Variants in SLC23A2 observed in about 807,000 individuals in gnomAD.
SLC23A2 encodes the protein solute carrier family 23 member 2, also known as Na(+)/L-ascorbic acid transporter 2.
SLC23A2 carries 36 observed loss-of-function variants against 73.3 expected under a neutral mutation model. That is an observed-to-expected ratio of 0.49 (90% CI 0.38 to 0.65). The LOEUF is 0.65. Among genes scored for constraint, SLC23A2 ranks in the 30% least tolerant of loss-of-function variants. The probability of loss-of-function intolerance (pLI) is 0.00; values close to 1 mark genes in which losing one functional copy is unlikely to be tolerated. For missense variants in SLC23A2, 507 were observed against 841.6 expected (o/e 0.60, Z 4.92); for synonymous variants, 343 against 327.3 (o/e 1.05, Z -0.52).
intron 2 of SLC23A2, among the ~76,000 whole-genome samples, chr20:4,970,282 TA>T (rs1284084128): frequency 1.3e-5 from 2 of 152,204 alleles, no homozygotes; most frequent in Non-Finnish European, 2.9e-5. Context: ...GAATTTGGCC[TA>T]AAGAAGTCTA....
chr20:4,901,402 C>T (rs906010152), intron 5 of SLC23A2, among the ~76,000 whole-genome samples: 1 of 152,196 alleles, frequency 6.6e-6, no homozygotes, highest in Non-Finnish European at 1.5e-5. Flanking sequence ...GGGAAAAATG[C>T]TAAGTCCGAC....
intron 1 of SLC23A2, among the ~76,000 whole-genome samples, chr20:5,006,834 C>T (rs2088197124): frequency 6.6e-6 from 1 of 152,102 alleles, no homozygotes; most frequent in African/African-American, 2.4e-5. Context: ...AGCCACCACT[C>T]CTGGCCTGCA....
intron 2 of SLC23A2, among the ~76,000 whole-genome samples, chr20:4,951,036 G>A (rs75271674): frequency 1.4e-4 from 22 of 152,180 alleles, no homozygotes; most frequent in African/African-American, 5.3e-4. Flanking sequence ...CAGAACACAG[G>A]TCCGCACATG....
At chr20:4,972,353 T>C (rs1337347037) in intron 1 of SLC23A2, among the ~76,000 whole-genome samples, 2 of 145,094 alleles carry the variant, frequency 1.4e-5, no homozygotes, top group African/African-American at 5.1e-5. Context: ...TAATGAGTCT[T>C]TTTTTTTTTT....
intron 1 of SLC23A2, among the ~76,000 whole-genome samples, chr20:5,009,433 G>A (rs930882343): frequency 7.9e-5 from 12 of 152,166 alleles, no homozygotes; most frequent in African/African-American, 2.9e-4. Context: ...GCTGGTGCAA[G>A]TATACTCCCT....
intron 3 of SLC23A2, among the ~76,000 whole-genome samples, chr20:4,930,802 G>C (rs1932780633): frequency 6.6e-6 from 1 of 151,754 alleles, no homozygotes; most frequent in Non-Finnish European, 1.5e-5. Flanking sequence ...ATGGGTGACA[G>C]AGCAAGACGG....
At chr20:4,885,632 G>C (rs967102524) in intron 7 of SLC23A2, among the ~76,000 whole-genome samples, 189 bp downstream of exon 7, 8 of 152,204 alleles carry the variant, frequency 5.3e-5, no homozygotes, top group Admixed American at 4.6e-4. Flanking sequence ...GGTTAGGGAT[G>C]AACAAGTGGA....
intron 4 of SLC23A2, among the ~76,000 whole-genome samples, chr20:4,909,837 A>T (rs1328291934): frequency 1.3e-5 from 2 of 152,184 alleles, no homozygotes; most frequent in Non-Finnish European, 2.9e-5. Context: ...CATTACATGC[A>T]TGAGCCACCC....
chr20:4,957,444 G>A (rs1445363359), intron 2 of SLC23A2, among the ~76,000 whole-genome samples: 1 of 151,840 alleles, frequency 6.6e-6, no homozygotes, highest in Non-Finnish European at 1.5e-5. Context: ...CTGGATGACA[G>A]AGCGACACTA....
At chr20:4,960,663 T>C (rs960213052) in intron 2 of SLC23A2, among the ~76,000 whole-genome samples, 1 of 152,228 alleles carries the variant, frequency 6.6e-6, no homozygotes, top group African/African-American at 2.4e-5. Flanking sequence ...TTATTATATG[T>C]TGGTTTGTGA....
chr20:4,894,511 T>C (rs1408908298), intron 6 of SLC23A2, among the ~76,000 whole-genome samples: 1 of 152,206 alleles, frequency 6.6e-6, no homozygotes, highest in Non-Finnish European at 1.5e-5. Flanking sequence ...CAGTCAGCCT[T>C]GGGAAATGTA....
rs1234672320 is a variant in SLC23A2 at position 4,855,327 on chromosome 20, A to C, written c.*1645T>G. ...ACCGTGTGGACACCAGGCTGCCAAG[A>C]ACCATGCCCTGCCGCTGGAGACAGG... On this transcript the variant is annotated 3_prime_UTR_variant, in exon 17 of 17. Transcript: ENST00000338244. 6.6e-6 allele frequency: 1 copy of C among 152,288 alleles called. No homozygotes were observed. The highest frequency in any genetic ancestry group is 2.4e-5 in the African/African-American group (1 of 41,440). 9.4% of individuals were successfully genotyped at this position (152,288 alleles called of 1,614,324 possible).
chr20:4,971,457 G>C (rs2087559395), intron 1 of SLC23A2, among the ~76,000 whole-genome samples: 1 of 151,302 alleles, frequency 6.6e-6, no homozygotes, highest in African/African-American at 2.4e-5. Context: ...CTCCAGCTTG[G>C]ATGACAGAGT....
chr20:4,992,617 TCTC>T (rs1423849251), intron 1 of SLC23A2, among the ~76,000 whole-genome samples: 1 of 151,102 alleles, frequency 6.6e-6, no homozygotes, highest in Non-Finnish European at 1.5e-5. Context: ...TTCGAGTGAT[TCTC>T]CTCCCTCAGC....
At chr20:4,989,075 C>T (rs2087880788) in intron 1 of SLC23A2, among the ~76,000 whole-genome samples, 2 of 151,068 alleles carry the variant, frequency 1.3e-5, no homozygotes, top group African/African-American at 4.9e-5. Flanking sequence ...CCCATCTCTA[C>T]TAAAAATACA....
chr20:4,892,574 A>C (rs186365643), intron 6 of SLC23A2, among the ~76,000 whole-genome samples: 83 of 152,330 alleles, frequency 5.4e-4, no homozygotes, highest in Non-Finnish European at 9.0e-4. Flanking sequence ...AAAACCCTAT[A>C]ATCTGCCATT....
chr20:4,888,102 A>C (rs567241577), intron 6 of SLC23A2, among the ~76,000 whole-genome samples: 136 of 152,320 alleles, frequency 8.9e-4, no homozygotes, highest in African/African-American at 3.2e-3. Flanking sequence ...TAGGCCGAGA[A>C]GACTGCCTGC....
chr20:4,890,483 T>G (rs965899866), intron 6 of SLC23A2, among the ~76,000 whole-genome samples: 8 of 151,822 alleles, frequency 5.3e-5, no homozygotes, highest in African/African-American at 1.9e-4. Context: ...AGAAACCCCA[T>G]CTCTACTAAA....
chr20:4,910,164 G>A (rs1250242425), intron 4 of SLC23A2, among the ~76,000 whole-genome samples: 1 of 152,044 alleles, frequency 6.6e-6, no homozygotes, highest in Non-Finnish European at 1.5e-5. Context: ...CCTGAGGTCA[G>A]GAGTTTGAGA....
Sources: allele counts gnomAD v4.1 joint callset (sites outside exome capture counted in the v4.1 genomes callset), GRCh38; gene constraint gnomAD v4.1.1; transcripts MANE v1.5; gene names NCBI Gene and HGNC (gene_info 2026-07-23, HGNC 2026-07-21).